The following EYS variants were observed in gnomAD, a reference collection of about 807,000 sequenced individuals.
EYS encodes the protein EGF-like photoreceptor maintenance factor.
In EYS, 250 loss-of-function variants were observed where a neutral mutation model predicts 282.1. That is an observed-to-expected ratio of 0.89 (90% CI 0.80 to 0.98). The LOEUF (loss-of-function observed/expected upper bound fraction) is 0.98. EYS is among the 50% of genes least tolerant of loss of function. The probability of loss-of-function intolerance (pLI) is 0.00; values close to 1 mark genes in which losing one functional copy is unlikely to be tolerated. For missense variants in EYS, 4,016 were observed against 3,709.0 expected (o/e 1.08, Z -2.15); for synonymous variants, 1,355 against 1,282.9 (o/e 1.06, Z -1.20).
In EYS at chr6:64,766,731, C is replaced by T. The variant is rs562229227; in HGVS notation, c.3443+46647G>A. 1.7e-3 allele frequency among the ~76,000 whole-genome samples: 218 copies of T among 129,506 alleles called. 2 individuals carry two copies. In the Middle Eastern group the frequency reaches 0.029, roughly 17 times the overall value. The allele number at this position is 129,506 out of a possible 152,430, so 85.0% of individuals were successfully genotyped here. A position where few individuals can be genotyped will look rare whatever the true frequency, so the allele number is the denominator to read the frequency against. ...GTGCCCTTCCACTGAGAAACAAATA[C>T]GAGATGATTTCACAGACAAACTTAG... is the stretch of plus-strand genomic sequence containing the variant. On this transcript the variant is annotated intron_variant, in intron 22 of 42. Transcript: ENST00000503581.
chr6:65,025,481 A>G (rs918332745), intron 13 of EYS, among the ~76,000 whole-genome samples: 3 of 152,220 alleles, frequency 2.0e-5, no homozygotes, highest in African/African-American at 7.2e-5. Flanking sequence ...TTATGCATTT[A>G]GAGAATATAT....
intron 19 of EYS, among the ~76,000 whole-genome samples, chr6:64,825,161 C>G (rs917786447): frequency 1.3e-5 from 2 of 151,870 alleles, no homozygotes; most frequent in Non-Finnish European, 2.9e-5. Flanking sequence ...AAAATCTCTT[C>G]CAAATATTTC....
intron 33 of EYS, among the ~76,000 whole-genome samples, chr6:64,023,043 TA>T (rs564803349): frequency 6.6e-6 from 1 of 152,238 alleles, no homozygotes; most frequent in Non-Finnish European, 1.5e-5. Flanking sequence ...AACCTTTGAT[TA>T]ATTTCTGTCT....
chr6:63,789,954 C>G (rs1770465030), intron 37 of EYS, among the ~76,000 whole-genome samples: 1 of 152,144 alleles, frequency 6.6e-6, no homozygotes, highest in African/African-American at 2.4e-5. Context: ...GATGATCCAT[C>G]AGTATATAGC....
chr6:64,430,668 A>T (rs546684175), intron 28 of EYS, among the ~76,000 whole-genome samples: 1 of 152,206 alleles, frequency 6.6e-6, no homozygotes, highest in African/African-American at 2.4e-5. Context: ...ACTTTGTTTT[A>T]GCTGATGTAC....
chr6:63,728,488 C>T (rs1768698402), intron 41 of EYS, among the ~76,000 whole-genome samples: 1 of 151,834 alleles, frequency 6.6e-6, no homozygotes, highest in Admixed American at 6.6e-5. Context: ...TTCCATATAC[C>T]CCTTGTCTCA....
At chr6:64,520,114 G>A (rs1456308202) in intron 26 of EYS, among the ~76,000 whole-genome samples, 1 of 151,752 alleles carries the variant, frequency 6.6e-6, no homozygotes, top group African/African-American at 2.4e-5. Flanking sequence ...AGGTTCACTG[G>A]TTCACTTGCA....
At chr6:64,220,376 T>C (rs1237419119) in intron 31 of EYS, among the ~76,000 whole-genome samples, 1 of 152,184 alleles carries the variant, frequency 6.6e-6, no homozygotes, top group East Asian at 1.9e-4. Flanking sequence ...TTTTGTGGTA[T>C]ATTCCCAGCC....
intron 22 of EYS, among the ~76,000 whole-genome samples, chr6:64,690,362 G>A (rs984387082): frequency 7.9e-5 from 12 of 152,066 alleles, no homozygotes; most frequent in African/African-American, 1.9e-4. Context: ...AAATTGGAAC[G>A]CTTTTACACT....
At chr6:64,409,169 A>C (rs1408500846) in intron 28 of EYS, among the ~76,000 whole-genome samples, 1 of 152,130 alleles carries the variant, frequency 6.6e-6, no homozygotes, top group African/African-American at 2.4e-5. Flanking sequence ...GTGTATATGC[A>C]CCACACTTTC....
At chr6:64,293,229 A>C (rs1768778965) in intron 30 of EYS, among the ~76,000 whole-genome samples, 2 of 152,264 alleles carry the variant, frequency 1.3e-5, no homozygotes, top group South Asian at 4.1e-4. Flanking sequence ...AAATACATGT[A>C]TGTGTACAAA....
In EYS at chr6:64,736,227, T is replaced by C. The variant is rs184157725; in HGVS notation, c.3443+77151A>G. ...CTTTCCATTCCCTTTTCATTACATG[T>C]TTTAAGAAACTTCTATGAATATTAC... is the stretch of plus-strand genomic sequence containing the variant. On this transcript the variant is annotated intron_variant, in intron 22 of 42. Transcript: ENST00000503581. 2.6e-5 allele frequency among the ~76,000 whole-genome samples: 4 copies of C among 152,232 alleles called. No individual in the cohort carries two copies. The East Asian group carries it at 7.7e-4, about 29-fold the overall frequency.
At chr6:64,031,750 G>T (rs908964914) in intron 33 of EYS, among the ~76,000 whole-genome samples, 1 of 152,172 alleles carries the variant, frequency 6.6e-6, no homozygotes, top group African/African-American at 2.4e-5. Context: ...GGTGACACGT[G>T]TGTCTAGCTA....
chr6:65,112,800 C>T (rs1430505712), intron 12 of EYS, among the ~76,000 whole-genome samples: 1 of 152,078 alleles, frequency 6.6e-6, no homozygotes, highest in African/African-American at 2.4e-5. Context: ...AATGAAGCAG[C>T]TATTTCTCTA....
chr6:65,395,077 T>A (rs1052036372), intron 7 of EYS, among the ~76,000 whole-genome samples: 6 of 152,192 alleles, frequency 3.9e-5, no homozygotes, highest in Non-Finnish European at 8.8e-5. Flanking sequence ...TGTCTGTCTG[T>A]TTTGAGACAG....
chr6:64,158,746 A>T (rs1363357742), intron 31 of EYS, among the ~76,000 whole-genome samples: 9 of 152,204 alleles, frequency 5.9e-5, no homozygotes. Context: ...TACCTATCAA[A>T]CTGCAATAAT....
intron 31 of EYS, among the ~76,000 whole-genome samples, chr6:64,148,586 T>G (rs1425469669): frequency 2.0e-5 from 3 of 151,996 alleles, no homozygotes; most frequent in Non-Finnish European, 4.4e-5. Context: ...CAGTTGAGTG[T>G]TTGAGCTGAC....
chr6:63,996,222 C>A (rs891258733), intron 34 of EYS, among the ~76,000 whole-genome samples: 9 of 151,888 alleles, frequency 5.9e-5, no homozygotes, highest in Non-Finnish European at 1.0e-4. Context: ...AATAAGCCAG[C>A]CACAGAGTAC....
At chr6:63,784,263 ATCTC>A (rs367672724) in intron 39 of EYS, among the ~76,000 whole-genome samples, 14 of 148,352 alleles carry the variant, frequency 9.4e-5, no homozygotes, top group Admixed American at 1.3e-4. Context: ...CTTATTAAAA[ATCTC>A]TCTCTCTCTC....
Sources: allele counts gnomAD v4.1 joint callset (sites outside exome capture counted in the v4.1 genomes callset), GRCh38; gene constraint gnomAD v4.1.1; transcripts MANE v1.5; gene names NCBI Gene and HGNC (gene_info 2026-07-23, HGNC 2026-07-21).